FAT2: variants seen among roughly 807,000 people sequenced by gnomAD.
FAT2 encodes protocadherin Fat 2.
Under a neutral mutation model 295.3 loss-of-function variants are expected in FAT2, and 150 were observed. The observed-to-expected ratio is 0.51, with a 90% confidence interval of 0.44 to 0.58. FAT2 has a LOEUF of 0.58. FAT2 is among the 20% of genes least tolerant of loss of function. The pLI is 0.00. For synonymous variants in FAT2, 2,026 were observed against 2,150.3 expected (o/e 0.94, Z 1.60); for missense variants, 4,868 against 5,442.7 (o/e 0.89, Z 3.32).
At chr5:151,575,606 T>C (rs1758714106) in intron 1 of FAT2, among the ~76,000 whole-genome samples, 1 of 152,256 alleles carries the variant, frequency 6.6e-6, no homozygotes, top group Admixed American at 6.5e-5. Flanking sequence ...ATCTGTCCTA[T>C]GACATTCATT....
chr5:151,545,997 G>A lies in FAT2; in HGVS notation c.5130C>T (p.Gly1710=), dbSNP rs1284141193. The A allele has an allele frequency of 6.2e-7, 1 of 1,614,142 alleles. No individual in the cohort carries two copies. Among genetic ancestry groups the A allele is most frequent in the South Asian group, 1.1e-5 (1 of 91,058 alleles). Residue 1710 remains glycine (G), a synonymous_variant, in exon 10 of 24, where the codon GGC becomes GGT. Coordinates refer to ENST00000261800, the MANE Select transcript of FAT2 (RefSeq NM_001447.3). ...CCAATTTCTTCTGGGTGGAAATAAG[G>A]CCAGAATATGAGTTCATAGAGAAGA... is the stretch of plus-strand genomic sequence containing the variant. ...DGVFSMNSYS[G]LISTQKKLDH...
chr5:151,511,594 A>T (rs1325516982), intron 21 of FAT2: 1 of 154,048 alleles, frequency 6.5e-6, no homozygotes, highest in Non-Finnish European at 1.4e-5. Flanking sequence ...GGAGAGGGAA[A>T]ATGTGAGTGC....
At chr5:151,585,163 G>A (rs1759122077) in intron 1 of FAT2, among the ~76,000 whole-genome samples, 2 of 152,318 alleles carry the variant, frequency 1.3e-5, no homozygotes, top group Middle Eastern at 6.8e-3. Context: ...GAGTGATGTG[G>A]CTATCCTCAG....
In FAT2 at chr5:151,507,562, G is replaced by T; in HGVS notation, c.12109C>A (p.Pro4037Thr). 6.2e-7 allele frequency: 1 copy of T among 1,613,944 alleles called. No homozygotes were observed. ...CCCCAGTCCCCCCTTTGGATCTCGG[G>T]AGTGACTAGGCAGTGTCCTTCTGAA... ...GCSEGHCLVT[P>T]EIQRGDWGQQ... Residue 4037 changes from proline (P) to threonine (T), a missense_variant, in exon 23 of 24, where the codon CCC becomes ACC. Physicochemically the swap from Pro to Thr is conservative, Grantham distance 38. Around this residue, in one of 5 missense-constraint regions of FAT2, gnomAD observed 492 missense variants for 482.6 expected, o/e 1.02. Transcript: ENST00000261800.
rs1380312021 is a variant in FAT2 at position 151,567,062 on chromosome 5, G to T, written c.1870C>A (p.Pro624Thr). The T allele has an allele frequency of 6.2e-7, 1 of 1,614,108 alleles. No homozygotes were observed. The highest frequency in any genetic ancestry group is 1.7e-5 in the Admixed American group (1 of 60,024). The change falls in exon 2 of 24, where the codon CCT (proline) becomes ACT (threonine). Residue 624 changes from proline to threonine, a missense_variant. Physicochemically the swap from Pro to Thr is conservative, Grantham distance 38 (BLOSUM62 -1). This residue lies in a region of FAT2 where 3,297 missense variants were observed against 3,669.4 expected (regional missense o/e 0.90). Transcript: ENST00000261800. ...HFSGVISLKRPFINLTAGQPT... is the reference protein window; with the variant it reads ...HFSGVISLKRTFINLTAGQPT... ...TGACCAGCAGTAAGATTGATAAAAG[G>T]GCGTTTGAGGGATATCACTCCGGAG...
At chr5:151,571,891 T>G (rs1356595473) in intron 1 of FAT2, among the ~76,000 whole-genome samples, 4 of 152,232 alleles carry the variant, frequency 2.6e-5, no homozygotes, top group Non-Finnish European at 5.9e-5. Context: ...CTCCTTGCCC[T>G]GGCCTAGAAG....
At chr5:151,547,881 G>A (rs1468547671) in intron 9 of FAT2, among the ~76,000 whole-genome samples, 1 of 152,080 alleles carries the variant, frequency 6.6e-6, no homozygotes, top group East Asian at 1.9e-4. Flanking sequence ...TGAAAATGAT[G>A]GTTATGTGTT....
Position 151,545,055 on chromosome 5 carries a change from T to G in FAT2, c.6072A>C (p.Arg2024Ser). The G allele has an allele frequency of 6.2e-7, 1 of 1,614,138 alleles. No individual in the cohort carries two copies. The highest frequency in any genetic ancestry group is 8.5e-7 in the Non-Finnish European group (1 of 1,180,020). ...GCTGCTCCCGGTCAAACGCCACACC[T>G]CTTGTCTGCAACACACCTGCTGACT... ...MVQSAGVLQT[R>S]GVAFDREQQD... Residue 2024 changes from arginine to serine, a missense_variant, in exon 10 of 24, where the codon AGA (arginine) becomes AGC (serine). Arg to Ser is a moderately radical substitution (Grantham distance 110, BLOSUM62 -1). This residue lies in a region of FAT2 where 3,297 missense variants were observed against 3,669.4 expected (regional missense o/e 0.90). Coordinates refer to ENST00000261800, the MANE Select transcript of FAT2 (RefSeq NM_001447.3).
chr5:151,505,757 T>G lies in FAT2; in HGVS notation c.12858A>C (p.Gly4286=), dbSNP rs1431956473. 2.5e-6 allele frequency: 4 copies of G among 1,612,100 alleles called. No individual in the cohort carries two copies. The highest frequency in any genetic ancestry group is 3.4e-6 in the Non-Finnish European group (4 of 1,178,576). ...YYHSQFRQGG[G]GPCLADGGYK... ...AGCCCCCGTCTGCCAGGCAGGGCCC[T>G]CCCCCTCCCTGCCGGAACTGCGAGT... is the stretch of plus-strand genomic sequence containing the variant. The change falls in exon 24 of 24, where the codon GGA becomes GGC. Residue 4286 remains glycine (G), a synonymous_variant. Coordinates refer to ENST00000261800, the MANE Select transcript of FAT2 (RefSeq NM_001447.3).
intron 1 of FAT2, among the ~76,000 whole-genome samples, chr5:151,584,023 A>AG (rs1759070713): frequency 7.0e-6 from 1 of 143,042 alleles, no homozygotes; most frequent in Admixed American, 6.9e-5. Flanking sequence ...AAAAAAAAAA[A>AG]GTTTTTTTTA....
At position 151,505,713 on chromosome 5, in the gene FAT2, C is replaced by A. The variant is rs147369556; in HGVS notation, c.12902G>T (p.Arg4301Leu). ...ADGGYKGVGM[R>L]LSRAGPSYAV... ...ATAAGAGGGCCCAGCTCGGCTGAGG[C>A]GCATACCCACCCCCTTGTAGCCCCC... The change falls in exon 24 of 24, where the codon CGC becomes CTC. Residue 4301 changes from arginine (R) to leucine (L), a missense_variant. Transcript: ENST00000261800. 1 of 1,613,788 alleles carries A rather than the reference C, an allele frequency of 6.2e-7. No individual in the cohort carries two copies. Among genetic ancestry groups the A allele is most frequent in the Non-Finnish European group, 8.5e-7 (1 of 1,179,826 alleles).
At chr5:151,569,176 G>A (rs1314814633) in intron 1 of FAT2, among the ~76,000 whole-genome samples, 2 of 152,160 alleles carry the variant, frequency 1.3e-5, no homozygotes, top group Non-Finnish European at 2.9e-5. Context: ...GCCTTTGTGT[G>A]AGTCAGTTCT....
chr5:151,573,967 A>C (rs1302283672), intron 1 of FAT2, among the ~76,000 whole-genome samples: 1 of 152,112 alleles, frequency 6.6e-6, no homozygotes, highest in African/African-American at 2.4e-5. Context: ...CTGTAGGAGG[A>C]TATTTGTCCT....
intron 1 of FAT2, among the ~76,000 whole-genome samples, chr5:151,584,917 C>A (rs1759113115): frequency 6.6e-6 from 1 of 152,156 alleles, no homozygotes; most frequent in East Asian, 1.9e-4. Context: ...GTCCTTCACC[C>A]TCACACTCCT....
At chr5:151,542,138 G>A (rs766567351) in intron 10 of FAT2, 147 bp downstream of exon 10, 16 of 665,024 alleles carry the variant, frequency 2.4e-5, no homozygotes, top group Non-Finnish European at 4.1e-5. Context: ...TATAGGTGGA[G>A]AAACTGAGGT....
intron 5 of FAT2, 29 bp downstream of exon 5, chr5:151,554,333 C>G (rs1757499019): frequency 2.5e-6 from 4 of 1,590,448 alleles, no homozygotes; most frequent in Non-Finnish European, 3.4e-6. Flanking sequence ...TGCCACTCCT[C>G]CCTCCGTGGC....
rs750513372 is a variant in FAT2 at position 151,505,770 on chromosome 5, C to T, written c.12845G>A (p.Arg4282Gln). 1.4e-5 allele frequency: 23 copies of T among 1,614,060 alleles called. No individual in the cohort carries two copies. The highest frequency in any genetic ancestry group is 5.0e-5 in the Admixed American group (3 of 60,024). Residue 4282 changes from arginine (R) to glutamine (Q), a missense_variant, in exon 24 of 24, where the codon CGG (arginine) becomes CAG (glutamine). By Grantham distance (43) the Arg-to-Gln change is conservative. Around this residue, in one of 5 missense-constraint regions of FAT2, gnomAD observed 492 missense variants for 482.6 expected, o/e 1.02. Transcript: ENST00000261800. ...CAGGCAGGGCCCTCCCCCTCCCTGC[C>T]GGAACTGCGAGTGGTAGTAGCTGAT... ...TAISYYHSQF[R>Q]QGGGGPCLAD...
chr5:151,569,801 T>G (rs1170845634), intron 1 of FAT2, among the ~76,000 whole-genome samples: 1 of 152,254 alleles, frequency 6.6e-6, no homozygotes, highest in African/African-American at 2.4e-5. Context: ...GCCTTTCCAC[T>G]GGGGCTGAGC....
intron 1 of FAT2, among the ~76,000 whole-genome samples, chr5:151,587,817 C>T (rs148406372): frequency 4.7e-4 from 71 of 152,312 alleles, no homozygotes; most frequent in Non-Finnish European, 3.1e-4. Context: ...GGTCTCCACA[C>T]TGAAAACAAT....
Sources: allele counts gnomAD v4.1 joint callset (sites outside exome capture counted in the v4.1 genomes callset), GRCh38; gene constraint gnomAD v4.1.1; regional missense constraint gnomAD v4.1.1; transcripts MANE v1.5; gene names NCBI Gene and HGNC (gene_info 2026-07-23, HGNC 2026-07-21).